Variants in MAP7 observed in about 807,000 individuals in gnomAD.
The protein encoded by MAP7 is microtubule associated protein 7, also known as ensconsin.
A neutral mutation model predicts 94.8 loss-of-function variants in MAP7; 52 were observed. The observed-to-expected ratio is 0.55, with a 90% CI of 0.44 to 0.69. The LOEUF is 0.69. Ranked by LOEUF, MAP7 falls within the 30% of genes least tolerant of loss-of-function variation. The pLI, the probability that MAP7 is intolerant of heterozygous loss-of-function variation, is 0.00. For synonymous variants in MAP7, 350 were observed against 357.0 expected, an observed-to-expected ratio of 0.98 and a Z score of 0.22; for missense variants, 940 against 964.6, an observed-to-expected ratio of 0.97 and a Z score of 0.34.
chr6:136,348,740 T>C (rs1405879920), intron 16 of MAP7, among the ~76,000 whole-genome samples: 1 of 152,178 alleles, frequency 6.6e-6, no homozygotes, highest in Non-Finnish European at 1.5e-5. Flanking sequence ...GTGTGAACAA[T>C]AGGGGCCTGG....
intron 1 of MAP7, among the ~76,000 whole-genome samples, chr6:136,499,702 T>A (rs1819307307): frequency 6.6e-6 from 1 of 152,052 alleles, no homozygotes; most frequent in Non-Finnish European, 1.5e-5. Context: ...TTTACAGTTT[T>A]AAAAAACCCT....
At chr6:136,390,960 T>C (rs1372942405) in intron 3 of MAP7, among the ~76,000 whole-genome samples, 1 of 152,200 alleles carries the variant, frequency 6.6e-6, no homozygotes, top group African/African-American at 2.4e-5. Flanking sequence ...CTCAGACATG[T>C]TCATTTGGAT....
intron 1 of MAP7, among the ~76,000 whole-genome samples, chr6:136,470,864 C>T (rs1808748838): frequency 6.6e-6 from 1 of 151,952 alleles, no homozygotes; most frequent in African/African-American, 2.4e-5. Flanking sequence ...ATTGCACTTA[C>T]AGTGTATTCT....
intron 9 of MAP7, 26 bp from the exon 10 acceptor site, chr6:136,366,044 C>T: frequency 1.9e-6 from 3 of 1,594,200 alleles, no homozygotes; most frequent in Non-Finnish European, 2.6e-6. Context: ...ACAAGGCAGA[C>T]AAAAGGGGAC....
chr6:136,377,943 T>A, intron 6 of MAP7, 75 bp from the exon 7 acceptor site: 1 of 1,073,828 alleles, frequency 9.3e-7, no homozygotes, highest in Admixed American at 1.8e-5. Context: ...ATCGTACCTA[T>A]TGCTTCCATA....
chr6:136,472,872 A>C (rs1044710276), intron 1 of MAP7, among the ~76,000 whole-genome samples: 1 of 152,168 alleles, frequency 6.6e-6, no homozygotes, highest in African/African-American at 2.4e-5. Flanking sequence ...TTAAAAAAAC[A>C]GCTCAAGTAG....
chr6:136,492,619 T>C (rs1280474697), intron 1 of MAP7, among the ~76,000 whole-genome samples: 1 of 152,198 alleles, frequency 6.6e-6, no homozygotes, highest in Non-Finnish European at 1.5e-5. Context: ...GCTGCATCAG[T>C]AGGGTTTAAC....
At position 136,494,108 on chromosome 6, in the gene MAP7, C is replaced by T. The variant is rs536875974; in HGVS notation, c.67+56234G>A. 9.2e-5 allele frequency among the ~76,000 whole-genome samples: 14 copies of T among 152,272 alleles called. No individual in the cohort carries two copies. The East Asian group carries it at 1.7e-3, about 19-fold the overall frequency. On this transcript the variant is annotated intron_variant, in intron 1 of 17. Transcript: ENST00000354570. ...CTGGAAATAGCCTATCTTAGTGTAA[C>T]AGGCAATCAGTATCATTGCAACGAA...
At chr6:136,375,912 A>C (rs1193216784) in intron 7 of MAP7, among the ~76,000 whole-genome samples, 1 of 152,148 alleles carries the variant, frequency 6.6e-6, no homozygotes. Context: ...AATGGGTGGA[A>C]AATGAGGAAA....
intron 8 of MAP7, 49 bp downstream of exon 8, chr6:136,372,452 A>G (rs1774827514): frequency 6.2e-7 from 1 of 1,609,734 alleles, no homozygotes; most frequent in South Asian, 1.1e-5. Flanking sequence ...TCTGCACAGG[A>G]ACAGCACTGG....
At chr6:136,398,876 C>G (rs1421345888) in intron 3 of MAP7, among the ~76,000 whole-genome samples, 2 of 152,184 alleles carry the variant, frequency 1.3e-5, no homozygotes, top group Non-Finnish European at 2.9e-5. Context: ...TTGTGTGCAA[C>G]ACTCCACATG....
chr6:136,542,039 A>G (rs1296520007), intron 1 of MAP7, among the ~76,000 whole-genome samples: 1 of 152,234 alleles, frequency 6.6e-6, no homozygotes, highest in Non-Finnish European at 1.5e-5. Context: ...AGCCTGGGCA[A>G]CACAGCGAGA....
Position 136,421,486 on chromosome 6 carries a change from G to GA in MAP7, c.166+214dup, listed in dbSNP as rs147662339. 3.4e-3 allele frequency among the ~76,000 whole-genome samples: 524 copies of GA among 152,304 alleles called. 2 individuals are homozygous for GA. Among genetic ancestry groups the GA allele is most frequent in the African/African-American group, 0.012 (497 of 41,562 alleles). Reference sequence around the variant, plus strand: ...TGTTTGAATCTACATTTTAAAGAGAGAAAACCAAGGCTTGGCTTTGAGAGG... The same window carrying GA: ...TGTTTGAATCTACATTTTAAAGAGAGAAAAACCAAGGCTTGGCTTTGAGAGG... On this transcript the variant is annotated intron_variant, in intron 2 of 17. Coordinates refer to ENST00000354570, the MANE Select transcript of MAP7 (RefSeq NM_003980.6).
intron 1 of MAP7, among the ~76,000 whole-genome samples, chr6:136,545,947 ATTAAG>A (rs911892970): frequency 7.2e-5 from 11 of 152,300 alleles, no homozygotes; most frequent in Admixed American, 2.0e-4. Context: ...TAAAAGTACA[ATTAAG>A]TTATTGACTA....
At chr6:136,383,941 T>C (rs141452732) in intron 5 of MAP7, among the ~76,000 whole-genome samples, 160 bp from the exon 6 acceptor site, 15 of 152,196 alleles carry the variant, frequency 9.9e-5, no homozygotes, top group African/African-American at 3.4e-4. Context: ...AAAGGTAACT[T>C]AAAGGCTTAG....
chr6:136,497,060 A>G (rs1337939344), intron 1 of MAP7, among the ~76,000 whole-genome samples: 1 of 152,098 alleles, frequency 6.6e-6, no homozygotes, highest in Non-Finnish European at 1.5e-5. Context: ...TCCCTGGGCC[A>G]GAGTTTCAAC....
chr6:136,372,405 C>T, intron 8 of MAP7, 96 bp downstream of exon 8: 1 of 1,427,472 alleles, frequency 7.0e-7, no homozygotes, highest in Non-Finnish European at 9.5e-7. Flanking sequence ...CGGTCTCCCC[C>T]TCTTACGCCC....
chr6:136,422,509 C>G (rs1791699703), intron 1 of MAP7, among the ~76,000 whole-genome samples: 1 of 152,166 alleles, frequency 6.6e-6, no homozygotes, highest in Non-Finnish European at 1.5e-5. Context: ...TCTAGGCGAA[C>G]ATCAGAGGCC....
chr6:136,354,508 A>C (rs1390611663), intron 16 of MAP7, among the ~76,000 whole-genome samples: 1 of 149,042 alleles, frequency 6.7e-6, no homozygotes, highest in Non-Finnish European at 1.5e-5. Context: ...CCTTTAAAGG[A>C]GAGACACTGG....
Sources: allele counts gnomAD v4.1 joint callset (sites outside exome capture counted in the v4.1 genomes callset), GRCh38; gene constraint gnomAD v4.1.1; transcripts MANE v1.5; gene names NCBI Gene and HGNC (gene_info 2026-07-23, HGNC 2026-07-21).